Variants in PLEKHG3 observed in about 807,000 individuals in gnomAD.
PLEKHG3 encodes pleckstrin homology and RhoGEF domain containing G3.
PLEKHG3 carries 62 observed loss-of-function variants against 94.9 expected under a neutral mutation model. The ratio of observed to expected loss-of-function variants is 0.65; its 90% CI spans 0.53 to 0.81. The LOEUF (loss-of-function observed/expected upper bound fraction) is 0.81, where lower values mean the gene tolerates loss of function less well. PLEKHG3 is among the 30% of genes least tolerant of loss of function. PLEKHG3 has a pLI of 0.00. For synonymous variants in PLEKHG3, 614 were observed against 654.0 expected, an observed-to-expected ratio of 0.94 and a Z score of 0.93; for missense variants, 1,461 against 1,619.3, an observed-to-expected ratio of 0.90 and a Z score of 1.68.
At chr14:64,712,371 C>T (rs944000137) in intron 1 of PLEKHG3, among the ~76,000 whole-genome samples, 14 of 152,126 alleles carry the variant, frequency 9.2e-5, no homozygotes, top group African/African-American at 2.4e-4. Context: ...AAAAAATCAG[C>T]TATATTTTGA....
At position 64,747,243 on chromosome 14, in the gene PLEKHG3, G is replaced by A. The variant is rs1447291062; in HGVS notation, c.*3540G>A. On this transcript the variant is annotated 3_prime_UTR_variant, in exon 17 of 17. Transcript: ENST00000247226. The stretch of plus-strand genomic sequence containing the variant: ...TTGTCCCTAGGCTCCCTAAAGACTG[G>A]CCCAGGGAAACAGTTGAGGGAGATG... 2.0e-5 allele frequency: 3 copies of A among 152,492 alleles called. No individual in the cohort carries two copies. The allele number at this position is 152,492 out of a possible 1,614,324, so 9.4% of individuals were successfully genotyped here.
In PLEKHG3 at chr14:64,727,781, A is replaced by G; in HGVS notation, c.150A>G (p.Ala50=). The change falls in exon 2 of 17, where the codon GCA becomes GCG. Residue 50 remains alanine, a synonymous_variant. Transcript: ENST00000247226. This position sits in a 1 kb window ranked among gnomAD's most constrained non-coding sequence, Gnocchi z 6.0. ...SSSEAPAKNG[A]GSLRSRHLPN... ...CCGAGGCTCCCGCCAAGAATGGGGC[A>G]GGCTCCCTGAGAAGCCGGCATCTGC... The G allele has an allele frequency of 6.2e-7, 1 of 1,610,394 alleles. No homozygotes were observed. Among genetic ancestry groups the G allele is most frequent in the Non-Finnish European group, 8.5e-7 (1 of 1,177,462 alleles).
At position 64,727,911 on chromosome 14, in the gene PLEKHG3, C is replaced by G; in HGVS notation, c.280C>G (p.Leu94Val). The G allele has an allele frequency of 6.2e-7, 1 of 1,612,216 alleles. No individual in the cohort carries two copies. Among genetic ancestry groups the G allele is most frequent in the Non-Finnish European group, 8.5e-7 (1 of 1,178,786 alleles). ...GCCTGCACACCACAAGCTCAGCTAC[C>G]TGGGCCGAGTGGTGCGGGAGATCGT... is the stretch of plus-strand genomic sequence containing the variant. The part of the protein sequence containing the change: ...AGPAHHKLSY[L>V]GRVVREIVET... The change falls in exon 2 of 17, where the codon CTG (leucine) becomes GTG (valine). Residue 94 changes from leucine to valine, a missense_variant. Around this residue, in one of 3 missense-constraint regions of PLEKHG3, gnomAD observed 253 missense variants for 297.8 expected, o/e 0.85. Transcript: ENST00000247226. The surrounding 1 kb of genome is among the most constrained non-coding windows in gnomAD (Gnocchi z 6.0).
chr14:64,730,769 G>C lies in PLEKHG3; in HGVS notation c.567-30G>C. 1.9e-6 allele frequency: 3 copies of C among 1,612,414 alleles called. No homozygotes were observed. Among genetic ancestry groups the C allele is most frequent in the Non-Finnish European group, 2.5e-6 (3 of 1,178,704 alleles). On this transcript the variant is annotated intron_variant, in intron 5 of 16. Coordinates refer to ENST00000247226, the MANE Select transcript of PLEKHG3 (RefSeq NM_001308147.2). This position sits in a 1 kb window ranked among gnomAD's most constrained non-coding sequence, Gnocchi z 5.4. ...CACTTCCTCATCCAGGCCTTCCCCA[G>C]GTGGTGACTGGCCCTTCTCCCACTC... is the stretch of plus-strand genomic sequence containing the variant.
In PLEKHG3 at chr14:64,729,087, T is replaced by G. The variant is rs1228946358; in HGVS notation, c.443T>G (p.Leu148Arg). ...LFGNIENIYA[L>R]NSQLLRDLDS... is the part of the protein sequence containing the mutation. ...GGGAACATAGAAAATATCTACGCGC[T>G]GAACAGGTGTGTGAATGGGCCTGAC... The change falls in exon 3 of 17, where the codon CTG becomes CGG. Residue 148 changes from leucine to arginine, a missense_variant. Coordinates refer to ENST00000247226, the MANE Select transcript of PLEKHG3 (RefSeq NM_001308147.2). The G allele has an allele frequency of 2.1e-6, 3 of 1,454,756 alleles. No individual in the cohort carries two copies. Among genetic ancestry groups the G allele is most frequent in the African/African-American group, 1.4e-5 (1 of 71,204 alleles). The allele number at this position is 1,454,756 out of a possible 1,614,324, so 90.1% of individuals were successfully genotyped here. A position where few individuals can be genotyped will look rare whatever the true frequency, so the allele number is the denominator to read the frequency against.
At chr14:64,735,171 C>T (rs1446719342) in intron 12 of PLEKHG3, among the ~76,000 whole-genome samples, 1 of 152,184 alleles carries the variant, frequency 6.6e-6, no homozygotes, top group African/African-American at 2.4e-5. Flanking sequence ...TGAGGGGCCC[C>T]AGAGGCTGTG....
chr14:64,706,079 G>A (rs1185411589), intron 1 of PLEKHG3, among the ~76,000 whole-genome samples: 1 of 152,214 alleles, frequency 6.6e-6, no homozygotes, highest in East Asian at 1.9e-4. Flanking sequence ...ATTTGTTGAA[G>A]AGCTGCTTTG....
intron 12 of PLEKHG3, among the ~76,000 whole-genome samples, chr14:64,734,494 CTAAA>C (rs1365166767): frequency 1.3e-5 from 2 of 152,102 alleles, no homozygotes; most frequent in South Asian, 2.1e-4. Context: ...ATTGTACACT[CTAAA>C]TAGGTGAATT....
In PLEKHG3 at chr14:64,738,864, C is replaced by CCAG; in HGVS notation, c.1518+13_1518+15dup. 1.3e-6 allele frequency: 2 copies of CCAG among 1,532,298 alleles called. No homozygotes were observed. The highest frequency in any genetic ancestry group is 1.8e-6 in the Non-Finnish European group (2 of 1,122,506). 94.9% of individuals were successfully genotyped at this position (1,532,298 alleles called of 1,614,324 possible). A position where few individuals can be genotyped will look rare whatever the true frequency, so the allele number is the denominator to read the frequency against. Reference sequence around the variant, plus strand: ...TTTCTTCCCTGCCAGAGGTGAGCGACCAGCAGGTGGGATGGGGATAGTAGG... The same window carrying CCAG: ...TTTCTTCCCTGCCAGAGGTGAGCGACCAGCAGCAGGTGGGATGGGGATAGTAGG... On this transcript the variant is annotated intron_variant, in intron 15 of 16. Coordinates refer to ENST00000247226, the MANE Select transcript of PLEKHG3 (RefSeq NM_001308147.2). This position sits in a 1 kb window ranked among gnomAD's most constrained non-coding sequence, Gnocchi z 4.8.
rs1286551625 is a variant in PLEKHG3, at chr14:64,750,227, C to T, written c.*6524C>T. ...TCTAGAGTCAATTCCTATAGCTTCA[C>T]CATTAAAAAAAATTACACCATGTTT... On this transcript the variant is annotated 3_prime_UTR_variant, in exon 17 of 17. Transcript: ENST00000247226. The T allele has an allele frequency of 1.4e-6, 2 of 1,479,436 alleles. No homozygotes were observed. Among genetic ancestry groups the T allele is most frequent in the South Asian group, 1.3e-5 (1 of 76,314 alleles). 91.6% of individuals were successfully genotyped at this position (1,479,436 alleles called of 1,614,324 possible). A position where few individuals can be genotyped will look rare whatever the true frequency, so the allele number is the denominator to read the frequency against.
In PLEKHG3 at chr14:64,742,157, G is replaced by T. The variant is rs1209079461; in HGVS notation, c.2640G>T (p.Leu880=). The change falls in exon 16 of 17, where the codon CTG becomes CTT. Residue 880 remains leucine, a synonymous_variant. Coordinates refer to ENST00000247226, the MANE Select transcript of PLEKHG3 (RefSeq NM_001308147.2). Reference sequence around the variant, plus strand: ...CTGAGGGGCGCAGCCCGGCCCACCTGGCCCGGGAGCTGAAAGAGCTGGTGA... The same window carrying T: ...CTGAGGGGCGCAGCCCGGCCCACCTTGCCCGGGAGCTGAAAGAGCTGGTGA... ...SPTEGRSPAH[L]ARELKELVKE... is the part of the protein sequence containing the mutation. The T allele has an allele frequency of 6.2e-7, 1 of 1,612,102 alleles. No homozygotes were observed. Among genetic ancestry groups the T allele is most frequent in the Non-Finnish European group, 8.5e-7 (1 of 1,179,984 alleles).
chr14:64,727,711 G>C lies in PLEKHG3; in HGVS notation c.80G>C (p.Gly27Ala). Reference sequence around the variant, plus strand: ...CTGACCTCTACCACCTCCTCGTCGGGCTCCTCCTGTGACAGTCGCAGTGCC... The same window carrying C: ...CTGACCTCTACCACCTCCTCGTCGGCCTCCTCCTGTGACAGTCGCAGTGCC... ...VSLTSTTSSS[G>A]SSCDSRSAME... The change falls in exon 2 of 17, where the codon GGC becomes GCC. Residue 27 changes from glycine to alanine, a missense_variant. Transcript: ENST00000247226. This position sits in a 1 kb window ranked among gnomAD's most constrained non-coding sequence, Gnocchi z 6.0. 1 of 1,612,186 alleles carries C rather than the reference G, an allele frequency of 6.2e-7. No homozygotes were observed. Among genetic ancestry groups the C allele is most frequent in the Non-Finnish European group, 8.5e-7 (1 of 1,179,614 alleles).
At chr14:64,735,531 G>A (rs187548222) in intron 12 of PLEKHG3, among the ~76,000 whole-genome samples, 1 of 152,344 alleles carries the variant, frequency 6.6e-6, no homozygotes, top group East Asian at 1.9e-4. Context: ...GATCACTTGA[G>A]CCTGGAAGGC....
chr14:64,727,504 CCACCTG>C lies in PLEKHG3; in HGVS notation c.-39-87_-39-82del. Reference sequence around the variant, plus strand: ...ATGCACTAAATAATACCTTCCCACCCCACCTGCCCCCACCCCTGGCAACCGTCCCTC... The same window carrying C: ...ATGCACTAAATAATACCTTCCCACCCCCCCCACCCCTGGCAACCGTCCCTC... On this transcript the variant is annotated intron_variant, in intron 1 of 16. Transcript: ENST00000247226. This position sits in a 1 kb window ranked among gnomAD's most constrained non-coding sequence, Gnocchi z 6.0. The C allele has an allele frequency of 3.1e-5, 14 of 452,488 alleles. No individual in the cohort carries two copies. Among genetic ancestry groups the C allele is most frequent in the East Asian group, 4.4e-5 (1 of 22,480 alleles). The allele number at this position is 452,488 out of a possible 1,614,324, so 28.0% of individuals were successfully genotyped here.
chr14:64,712,876 CT>C (rs1326375382), intron 1 of PLEKHG3, among the ~76,000 whole-genome samples: 2 of 152,182 alleles, frequency 1.3e-5, no homozygotes, highest in Non-Finnish European at 2.9e-5. Flanking sequence ...ATATCCTTGT[CT>C]TCTTACTAAT....
rs528157016 is a variant in PLEKHG3, at chr14:64,705,851, T to G, written c.-40+1147T>G. Among the ~76,000 whole-genome samples, 4 of 152,086 alleles carry G rather than the reference T, an allele frequency of 2.6e-5. 1 individual carries two copies. In the South Asian group the frequency reaches 8.3e-4, roughly 32 times the overall value. ...GAAACTAGGGAGTGAGAACCAAAAG[T>G]GTACATTTATCTCTCTGTTATACAT... On this transcript the variant is annotated intron_variant, in intron 1 of 16. Transcript: ENST00000247226.
intron 1 of PLEKHG3, among the ~76,000 whole-genome samples, chr14:64,708,593 G>A (rs1199779343): frequency 1.3e-5 from 2 of 152,050 alleles, no homozygotes; most frequent in African/African-American, 2.4e-5. Flanking sequence ...AGAACTCAGG[G>A]TCGGCTGCCT....
At position 64,726,632 on chromosome 14, in the gene PLEKHG3, G is replaced by T. The variant is rs2081358715; in HGVS notation, c.-39-961G>T. Among the ~76,000 whole-genome samples the T allele has an allele frequency of 6.6e-6, 1 of 152,142 alleles. No individual in the cohort carries two copies. Among genetic ancestry groups the T allele is most frequent in the South Asian group, 2.1e-4 (1 of 4,826 alleles). ...ATAAAGTCCACCTGAGGCTCTGTTTGCCTCACCTGGGTGCAGTTTACTGCT... is the reference window on the plus strand; with the variant it reads ...ATAAAGTCCACCTGAGGCTCTGTTTTCCTCACCTGGGTGCAGTTTACTGCT... On this transcript the variant is annotated intron_variant, in intron 1 of 16. Transcript: ENST00000247226. This position sits in a 1 kb window ranked among gnomAD's most constrained non-coding sequence, Gnocchi z 5.1.
Position 64,749,224 on chromosome 14 carries a change from G to A in PLEKHG3, c.*5521G>A. 7.4e-6 allele frequency: 11 copies of A among 1,488,160 alleles called. No homozygotes were observed. Among genetic ancestry groups the A allele is most frequent in the Middle Eastern group, 1.9e-4 (1 of 5,402 alleles). The allele number at this position is 1,488,160 out of a possible 1,614,324, so 92.2% of individuals were successfully genotyped here. On this transcript the variant is annotated 3_prime_UTR_variant, in exon 17 of 17. Transcript: ENST00000247226. The surrounding 1 kb of genome is among the most constrained non-coding windows in gnomAD (Gnocchi z 4.7). ...CTCGACTCATCTCGATTCGACCGGC[G>A]GGCGGCGGCGAGAGGAGGCCAAGGC... is the stretch of plus-strand genomic sequence containing the variant.
Sources: gnomAD v4.1 joint callset for allele counts (sites outside exome capture counted in the v4.1 genomes callset) on GRCh38, gnomAD v4.1.1 for gene constraint, gnomAD v4.1.1 regional missense constraint, Gnocchi (gnomAD v3.1) non-coding constraint, MANE v1.5 for transcripts, NCBI Gene and HGNC (gene_info 2026-07-23, HGNC 2026-07-21) for gene names.